LPA: variants seen among roughly 807,000 people sequenced by gnomAD.
LPA encodes apolipoprotein(a).
In LPA, 199 loss-of-function variants were observed where a neutral mutation model predicts 197.9. The ratio of observed to expected loss-of-function variants is 1.01; its 90% CI spans 0.90 to 1.13. The LOEUF is 1.13. Ranked by LOEUF, LPA falls within the 50% of genes most tolerant of loss-of-function variation. The pLI is 0.00. For synonymous variants in LPA, 715 were observed against 639.5 expected, an observed-to-expected ratio of 1.12 and a Z score of -1.78; for missense variants, 1,853 against 1,785.8, an observed-to-expected ratio of 1.04 and a Z score of -0.68.
intron 26 of LPA, among the ~76,000 whole-genome samples, chr6:160,580,709 TCTC>T (rs1342554749): frequency 1.3e-5 from 2 of 152,202 alleles, no homozygotes; most frequent in African/African-American, 4.8e-5. Flanking sequence ...GTGTGCATCT[TCTC>T]CTAAGAAATG....
intron 16 of LPA, 113 bp downstream of exon 16, chr6:160,611,449 A>T: frequency 2.6e-6 from 4 of 1,529,438 alleles, no homozygotes; most frequent in Non-Finnish European, 3.6e-6. Context: ...ATTTTGCTAC[A>T]CCATCTGAAT....
chr6:160,653,063 T>G (rs1299001880), intron 1 of LPA, among the ~76,000 whole-genome samples: 1 of 152,096 alleles, frequency 6.6e-6, no homozygotes, highest in Non-Finnish European at 1.5e-5. Flanking sequence ...ATGCAAATGG[T>G]CTGAACATCT....
chr6:160,593,409 C>A (rs1779068271), intron 22 of LPA, among the ~76,000 whole-genome samples: 2 of 152,146 alleles, frequency 1.3e-5, no homozygotes, highest in South Asian at 4.1e-4. Context: ...TCTTCAGAAT[C>A]TTTATACTTC....
intron 2 of LPA, among the ~76,000 whole-genome samples, chr6:160,649,729 G>A (rs1002077553): frequency 2.0e-5 from 3 of 152,122 alleles, no homozygotes; most frequent in East Asian, 1.9e-4. Flanking sequence ...GCCATGGTGT[G>A]GTCAGACCCC....
At chr6:160,600,803 C>T (rs1779223298) in intron 19 of LPA, 114 bp downstream of exon 19, 9 of 1,253,706 alleles carry the variant, frequency 7.2e-6, no homozygotes, top group African/African-American at 1.5e-5. Context: ...CATGGCAGAC[C>T]CAGAACCAAC....
rs756663947 is a variant in LPA, at chr6:160,590,986, C to T, written c.3745G>A (p.Glu1249Lys). 6.2e-7 allele frequency: 1 copy of T among 1,614,036 alleles called. No individual in the cohort carries two copies. The highest frequency in any genetic ancestry group is 8.5e-7 in the Non-Finnish European group (1 of 1,179,930). ...GTGGACGTCGCAAGGACACTTGATT[C>T]TGTCACTGGACATTGTGTCAGGTTG... is the stretch of plus-strand genomic sequence containing the variant. Reference protein sequence around the residue: ...YCNLTQCPVTESSVLATSTAV... With the variant: ...YCNLTQCPVTKSSVLATSTAV... Residue 1249 changes from glutamate to lysine, a missense_variant, in exon 23 of 39, where the codon GAA becomes AAA. By Grantham distance (56) the Glu-to-Lys change is moderately conservative. Around this residue, in one of 3 missense-constraint regions of LPA, gnomAD observed 1,737 missense variants for 1,504.4 expected, o/e 1.15. Transcript: ENST00000316300.
chr6:160,634,984 G>T, intron 7 of LPA, 139 bp downstream of exon 7: 1 of 1,502,804 alleles, frequency 6.7e-7, no homozygotes, highest in Non-Finnish European at 9.2e-7. Flanking sequence ...AGAGTACACG[G>T]AGGCTTCCCC....
At position 160,585,108 on chromosome 6, in the gene LPA, A is replaced by G. The variant is rs1295176291; in HGVS notation, c.4227T>C (p.Cys1409=). 1 of 1,613,858 alleles carries G rather than the reference A, an allele frequency of 6.2e-7. No individual in the cohort carries two copies. Among genetic ancestry groups the G allele is most frequent in the East Asian group, 2.2e-5 (1 of 44,862 alleles). The change falls in exon 26 of 39, where the codon TGT becomes TGC. Residue 1409 remains cysteine, a synonymous_variant. Transcript: ENST00000316300. The part of the protein sequence containing the change: ...TLSTTITGRT[C]QSWSSMTPHW... ...GTGGTGTCATAGACGACCAAGACTG[A>G]CATGTTCTTCCTGTGATAGTGGTGG...
At chr6:160,555,140 C>T (rs1027186599) in intron 30 of LPA, among the ~76,000 whole-genome samples, 1 of 151,532 alleles carries the variant, frequency 6.6e-6, no homozygotes, top group Non-Finnish European at 1.5e-5. Flanking sequence ...TAATTCTCAT[C>T]TACATTCTTG....
At chr6:160,598,904 G>C (rs569603656) in intron 20 of LPA, among the ~76,000 whole-genome samples, 1 of 152,162 alleles carries the variant, frequency 6.6e-6, no homozygotes, top group Non-Finnish European at 1.5e-5. Flanking sequence ...AGGTGAAAAG[G>C]TTGTATTAAC....
intron 1 of LPA, among the ~76,000 whole-genome samples, chr6:160,659,820 G>T (rs970384896): frequency 2.6e-5 from 4 of 152,162 alleles, no homozygotes; most frequent in Non-Finnish European, 5.9e-5. Flanking sequence ...CACTGTGCTG[G>T]AGGTCCGTGA....
chr6:160,586,269 C>T (rs1047936145), intron 25 of LPA, among the ~76,000 whole-genome samples, 180 bp downstream of exon 25: 3 of 152,154 alleles, frequency 2.0e-5, no homozygotes, highest in African/African-American at 7.2e-5. Context: ...CCTCACAAGG[C>T]ACTCAACATC....
chr6:160,538,048 A>G lies in LPA; in HGVS notation c.5736-87T>C. 5.4e-6 allele frequency: 6 copies of G among 1,115,566 alleles called. No homozygotes were observed. The Admixed American group carries it at 1.1e-4, about 21-fold the overall frequency. 69.1% of individuals were successfully genotyped at this position (1,115,566 alleles called of 1,614,324 possible). ...CCAGGCATCCCTGCCTTGAAGCCCC[A>G]GAGCCCTCTGAGCTGGCACTGCCTT... On this transcript the variant is annotated intron_variant, in intron 36 of 38. Coordinates refer to ENST00000316300, the MANE Select transcript of LPA (RefSeq NM_005577.4).
intron 28 of LPA, among the ~76,000 whole-genome samples, chr6:160,571,645 C>G (rs1778563787): frequency 6.6e-6 from 1 of 152,216 alleles, no homozygotes; most frequent in African/African-American, 2.4e-5. Context: ...CTGCCCAGTT[C>G]AAACTTCCTA....
chr6:160,647,292 G>T (rs555028393), intron 2 of LPA, among the ~76,000 whole-genome samples: 1 of 152,174 alleles, frequency 6.6e-6, no homozygotes, highest in East Asian at 1.9e-4. Context: ...AAGCAGCTGA[G>T]GAGTTTGGGC....
chr6:160,586,257 T>A (rs1778907474), intron 25 of LPA, among the ~76,000 whole-genome samples, 192 bp downstream of exon 25: 1 of 152,100 alleles, frequency 6.6e-6, no homozygotes, highest in South Asian at 2.1e-4. Context: ...AAAGACACCA[T>A]CCCTCACAAG....
At chr6:160,598,827 A>G (rs1160809381) in intron 20 of LPA, among the ~76,000 whole-genome samples, 1 of 152,166 alleles carries the variant, frequency 6.6e-6, no homozygotes, top group African/African-American at 2.4e-5. Context: ...ATTCCCTGTG[A>G]CCCAAGATGC....
intron 16 of LPA, among the ~76,000 whole-genome samples, chr6:160,611,169 G>A (rs964768379): frequency 6.6e-6 from 1 of 152,090 alleles, no homozygotes; most frequent in African/African-American, 2.4e-5. Flanking sequence ...CTTTCCTCAT[G>A]AGCCCAGACA....
At chr6:160,565,415 C>A (rs1778434385) in intron 28 of LPA, among the ~76,000 whole-genome samples, 2 of 152,208 alleles carry the variant, frequency 1.3e-5, no homozygotes, top group Non-Finnish European at 2.9e-5. Context: ...CAAACAGGGA[C>A]TGGAGTGGAC....
Sources: gnomAD v4.1 joint callset for allele counts (sites outside exome capture counted in the v4.1 genomes callset) on GRCh38, gnomAD v4.1.1 for gene constraint, gnomAD v4.1.1 regional missense constraint, MANE v1.5 for transcripts, NCBI Gene and HGNC (gene_info 2026-07-23, HGNC 2026-07-21) for gene names.